Variants in FBXO8 observed in about 807,000 individuals in gnomAD.
FBXO8 encodes F-box only protein 8.
FBXO8 carries 15 observed loss-of-function variants against 33.4 expected under a neutral mutation model. The ratio of observed to expected loss-of-function variants is 0.45; its 90% confidence interval spans 0.30 to 0.69. The LOEUF (loss-of-function observed/expected upper bound fraction) is 0.69. Among genes scored for constraint, FBXO8 ranks in the 30% least tolerant of loss-of-function variants. The pLI is 0.08. For synonymous variants in FBXO8, 132 were observed against 131.5 expected, an observed-to-expected ratio of 1.00 and a Z score of -0.02; for missense variants, 274 against 380.3, an observed-to-expected ratio of 0.72 and a Z score of 2.32.
chr4:174,246,252 A>G (rs938618114), intron 3 of FBXO8, among the ~76,000 whole-genome samples: 1 of 151,658 alleles, frequency 6.6e-6, no homozygotes, highest in African/African-American at 2.4e-5. Context: ...TAATGATGAT[A>G]TGAACATAAA....
rs1736022209 is a variant in FBXO8 at position 174,241,013 on chromosome 4, T to C, written c.575+87A>G. On this transcript the variant is annotated intron_variant, in intron 4 of 5. Coordinates refer to ENST00000393674, the MANE Select transcript of FBXO8 (RefSeq NM_012180.3). This position sits in a 1 kb window ranked among gnomAD's most constrained non-coding sequence, Gnocchi z 4.2. Reference sequence around the variant, plus strand: ...TTCAATTTTGCAACCAGATGATTACTATGCAGTATTAGTTTTAAAGTAAAA... The same window carrying C: ...TTCAATTTTGCAACCAGATGATTACCATGCAGTATTAGTTTTAAAGTAAAA... The C allele has an allele frequency of 2.9e-6, 2 of 684,952 alleles. No homozygotes were observed. The highest frequency in any genetic ancestry group is 2.8e-5 in the Admixed American group (1 of 36,010). 42.4% of individuals were successfully genotyped at this position (684,952 alleles called of 1,614,324 possible).
intron 5 of FBXO8, 59 bp downstream of exon 5, chr4:174,238,933 ATC>A (rs540245074): frequency 1.1e-3 from 1,169 of 1,036,536 alleles, no homozygotes; most frequent in Non-Finnish European, 1.5e-3. Context: ...TGTCTCATAT[ATC>A]TCTGTTTTTA....
chr4:174,273,945 G>A (rs563698674), intron 1 of FBXO8, among the ~76,000 whole-genome samples: 1 of 152,262 alleles, frequency 6.6e-6, no homozygotes, highest in South Asian at 2.1e-4. Context: ...AAATTTGCCT[G>A]AGAAGTCAAA....
In FBXO8 at chr4:174,262,872, A is replaced by G. The variant is rs778620013; in HGVS notation, c.221T>C (p.Leu74Ser). The change falls in exon 2 of 6, where the codon TTG (leucine) becomes TCG (serine). Residue 74 changes from leucine to serine, a missense_variant. Leu to Ser is a moderately radical substitution (Grantham distance 145). Coordinates refer to ENST00000393674, the MANE Select transcript of FBXO8 (RefSeq NM_012180.3). This position sits in a 1 kb window ranked among gnomAD's most constrained non-coding sequence, Gnocchi z 4.6. ...GATGGTAAAGCTTAGCTCAGGAGGC[A>G]ACATTTCCAAATTAATGAATCCTTC... is the stretch of plus-strand genomic sequence containing the variant. The part of the protein sequence containing the change: ...EQEGFINLEM[L>S]PPELSFTILS... The G allele has an allele frequency of 6.2e-7, 1 of 1,614,060 alleles. No homozygotes were observed. Among genetic ancestry groups the G allele is most frequent in the Admixed American group, 1.7e-5 (1 of 59,996 alleles).
intron 1 of FBXO8, among the ~76,000 whole-genome samples, chr4:174,280,492 C>A (rs1737055213): frequency 6.6e-6 from 1 of 152,002 alleles, no homozygotes; most frequent in African/African-American, 2.4e-5. Flanking sequence ...CAGGTATATA[C>A]CCTCAAGAAT....
At position 174,265,559 on chromosome 4, in the gene FBXO8, G is replaced by A. The variant is rs549118859; in HGVS notation, c.-8-2459C>T. Among the ~76,000 whole-genome samples, 5 of 152,132 alleles carry A rather than the reference G, an allele frequency of 3.3e-5. No homozygotes were observed. Among genetic ancestry groups the A allele is most frequent in the African/African-American group, 1.2e-4 (5 of 41,534 alleles). On this transcript the variant is annotated intron_variant, in intron 1 of 5. Transcript: ENST00000393674. This position sits in a 1 kb window ranked among gnomAD's most constrained non-coding sequence, Gnocchi z 4.7. ...CTATCAAGCAATGAAAAGACATGGA[G>A]GAACTTTAAGTGCCTATTATTAATG...
intron 5 of FBXO8, among the ~76,000 whole-genome samples, chr4:174,238,655 T>A (rs1735945748): frequency 6.7e-6 from 1 of 150,106 alleles, no homozygotes; most frequent in Non-Finnish European, 1.5e-5. Context: ...TATGTGTATA[T>A]AGACATAGAC....
In FBXO8 at chr4:174,254,453, T is replaced by C. The variant is rs1377649507; in HGVS notation, c.456+5246A>G. 6.6e-6 allele frequency among the ~76,000 whole-genome samples: 1 copy of C among 152,188 alleles called. No individual in the cohort carries two copies. Among genetic ancestry groups the C allele is most frequent in the Non-Finnish European group, 1.5e-5 (1 of 68,020 alleles). On this transcript the variant is annotated intron_variant, in intron 3 of 5. Transcript: ENST00000393674. The surrounding 1 kb of genome is among the most constrained non-coding windows in gnomAD (Gnocchi z 4.2). ...ATCTTAGTGGCCTGTCAGCTTTCATTAGGAATACTTCTGTGTTGCAGGAGG... is the reference window on the plus strand; with the variant it reads ...ATCTTAGTGGCCTGTCAGCTTTCATCAGGAATACTTCTGTGTTGCAGGAGG...
At chr4:174,248,749 G>T (rs1014052665) in intron 3 of FBXO8, among the ~76,000 whole-genome samples, 1 of 151,962 alleles carries the variant, frequency 6.6e-6, no homozygotes, top group African/African-American at 2.4e-5. Flanking sequence ...GTTTGAATTG[G>T]CAAGGATTTC....
rs959022760 is a variant in FBXO8, at chr4:174,274,302, A to C, written c.-9+9108T>G. Among the ~76,000 whole-genome samples, 24 of 152,210 alleles carry C rather than the reference A, an allele frequency of 1.6e-4. No individual in the cohort carries two copies. Among genetic ancestry groups the C allele is most frequent in the Non-Finnish European group, 1.3e-4 (9 of 68,028 alleles). ...CTCATTAGTAAAATAACGGATAATA[A>C]TTCTTATTCCATGGGACTTAGTAGG... is the stretch of plus-strand genomic sequence containing the variant. On this transcript the variant is annotated intron_variant, in intron 1 of 5. Transcript: ENST00000393674. This position sits in a 1 kb window ranked among gnomAD's most constrained non-coding sequence, Gnocchi z 4.0.
At chr4:174,260,026 C>T (rs1387730375) in intron 2 of FBXO8, among the ~76,000 whole-genome samples, 1 of 151,948 alleles carries the variant, frequency 6.6e-6, no homozygotes, top group East Asian at 1.9e-4. Context: ...ATTTTGACAG[C>T]ATCTAATAAA....
At position 174,256,267 on chromosome 4, in the gene FBXO8, C is replaced by T; in HGVS notation, c.456+3432G>A. 2.7e-6 allele frequency: 1 copy of T among 376,254 alleles called. No individual in the cohort carries two copies. 23.3% of individuals were successfully genotyped at this position (376,254 alleles called of 1,614,324 possible). On this transcript the variant is annotated intron_variant, in intron 3 of 5. Transcript: ENST00000393674. The surrounding 1 kb of genome is among the most constrained non-coding windows in gnomAD (Gnocchi z 4.6). Reference sequence around the variant, plus strand: ...TACTAAGCAATTATATACATCTTATCTCAGGTACTTGCAAAAAGCATCACA... The same window carrying T: ...TACTAAGCAATTATATACATCTTATTTCAGGTACTTGCAAAAAGCATCACA...
chr4:174,266,572 A>G (rs1001671809), intron 1 of FBXO8, among the ~76,000 whole-genome samples: 3 of 152,172 alleles, frequency 2.0e-5, no homozygotes, highest in African/African-American at 7.2e-5. Flanking sequence ...ACTGTCAGAA[A>G]AGCTTTAAAA....
chr4:174,238,716 G>T, intron 5 of FBXO8, among the ~76,000 whole-genome samples: 1 of 145,346 alleles, frequency 6.9e-6, no homozygotes, highest in African/African-American at 2.5e-5. Context: ...TAAATTTGTA[G>T]GTAATATATA....
chr4:174,250,855 A>C (rs1455030378), intron 3 of FBXO8, among the ~76,000 whole-genome samples: 2 of 152,182 alleles, frequency 1.3e-5, no homozygotes, highest in Admixed American at 6.6e-5. Context: ...AGACATGTAG[A>C]GGCAGACACC....
In FBXO8 at chr4:174,281,757, T is replaced by G. The variant is rs2126454781; in HGVS notation, c.-9+1653A>C. ...GTCAGCCAAAAATGTTTTAGTTTAT[T>G]AGAGAGCTAAGTCAAGAAATTTGTC... is the stretch of plus-strand genomic sequence containing the variant. On this transcript the variant is annotated intron_variant, in intron 1 of 5. Transcript: ENST00000393674. This position sits in a 1 kb window ranked among gnomAD's most constrained non-coding sequence, Gnocchi z 4.6. Among the ~76,000 whole-genome samples the G allele has an allele frequency of 6.6e-6, 1 of 152,236 alleles. No homozygotes were observed. The highest frequency in any genetic ancestry group is 1.9e-4 in the East Asian group (1 of 5,182).
chr4:174,246,879 G>C (rs1335376893), intron 3 of FBXO8, among the ~76,000 whole-genome samples: 1 of 151,980 alleles, frequency 6.6e-6, no homozygotes, highest in Non-Finnish European at 1.5e-5. Flanking sequence ...CATTGGAAAA[G>C]AGAGGGCTGA....
rs953681353 is a variant in FBXO8 at position 174,257,992 on chromosome 4, T to C, written c.456+1707A>G. Among the ~76,000 whole-genome samples, 3 of 152,054 alleles carry C rather than the reference T, an allele frequency of 2.0e-5. No individual in the cohort carries two copies. Among genetic ancestry groups the C allele is most frequent in the African/African-American group, 7.2e-5 (3 of 41,398 alleles). ...GTCCGCCTGCCTCAGACTCCTGGAG[T>C]GCTGGGATTACAGACATGAGCCACT... On this transcript the variant is annotated intron_variant, in intron 3 of 5. Coordinates refer to ENST00000393674, the MANE Select transcript of FBXO8 (RefSeq NM_012180.3). This position sits in a 1 kb window ranked among gnomAD's most constrained non-coding sequence, Gnocchi z 4.3.
At position 174,253,472 on chromosome 4, in the gene FBXO8, A is replaced by C. The variant is rs1736343594; in HGVS notation, c.456+6227T>G. Among the ~76,000 whole-genome samples the C allele has an allele frequency of 6.6e-6, 1 of 152,164 alleles. No homozygotes were observed. The highest frequency in any genetic ancestry group is 2.4e-5 in the African/African-American group (1 of 41,444). On this transcript the variant is annotated intron_variant, in intron 3 of 5. Coordinates refer to ENST00000393674, the MANE Select transcript of FBXO8 (RefSeq NM_012180.3). This position sits in a 1 kb window ranked among gnomAD's most constrained non-coding sequence, Gnocchi z 4.5. The stretch of plus-strand genomic sequence containing the variant: ...AGAAGGTAGGGTCAGCTACCAACCA[A>C]ATTGTTGTGCCACAGGTGCCAATGT...
Sources: gnomAD v4.1 joint callset for allele counts (sites outside exome capture counted in the v4.1 genomes callset) on GRCh38, gnomAD v4.1.1 for gene constraint, Gnocchi (gnomAD v3.1) non-coding constraint, MANE v1.5 for transcripts, NCBI Gene and HGNC (gene_info 2026-07-23, HGNC 2026-07-21) for gene names.